The following EDARADD variants were observed in gnomAD, a reference collection of about 807,000 sequenced individuals.
EDARADD encodes the protein ectodysplasin-A receptor-associated adapter protein.
EDARADD carries 20 observed loss-of-function variants against 25.6 expected under a neutral mutation model. That is an observed-to-expected ratio of 0.78 (90% CI 0.55 to 1.14). The LOEUF is 1.14. EDARADD is among the 50% of genes most tolerant of loss of function. The pLI is 0.00. For missense variants in EDARADD, 225 were observed against 270.1 expected (o/e 0.83, Z 1.17); for synonymous variants, 86 against 94.4 (o/e 0.91, Z 0.52).
intron 4 of EDARADD, among the ~76,000 whole-genome samples, chr1:236,444,121 C>T (rs112688045): frequency 8.0e-4 from 121 of 152,124 alleles, no homozygotes; most frequent in African/African-American, 2.8e-3. Flanking sequence ...ATTTTTAAGA[C>T]GTACTTTTTT....
At chr1:236,408,349 T>G (rs1399813258) in intron 1 of EDARADD, among the ~76,000 whole-genome samples, 1 of 151,876 alleles carries the variant, frequency 6.6e-6, no homozygotes, top group East Asian at 1.9e-4. Flanking sequence ...ACTACAGGTG[T>G]GCACCACTAT....
chr1:236,445,314 G>A (rs1160851114), intron 4 of EDARADD, among the ~76,000 whole-genome samples: 2 of 139,350 alleles, frequency 1.4e-5, no homozygotes, highest in South Asian at 2.4e-4. Flanking sequence ...TGCAACCTCC[G>A]CCTCCCAGGT....
chr1:236,421,489 C>CTTTTTT (rs34922732), intron 3 of EDARADD, among the ~76,000 whole-genome samples: 10 of 75,446 alleles, frequency 1.3e-4, no homozygotes, highest in African/African-American at 4.2e-4. Context: ...CTTCCCAGTT[C>CTTTTTT]TTTTTTTTTT....
intron 1 of EDARADD, among the ~76,000 whole-genome samples, chr1:236,401,983 C>T (rs1263369706): frequency 6.6e-6 from 1 of 152,100 alleles, no homozygotes; most frequent in South Asian, 2.1e-4. Flanking sequence ...TATTTTGAGA[C>T]CAAGTTTCGC....
intron 5 of EDARADD, among the ~76,000 whole-genome samples, chr1:236,479,795 C>T (rs1027711287): frequency 1.4e-4 from 21 of 151,298 alleles, no homozygotes; most frequent in Non-Finnish European, 3.1e-4. Flanking sequence ...CCCACAATCT[C>T]GGTGCTTTGG....
In EDARADD at chr1:236,395,541, A is replaced by C; in HGVS notation, c.61+1036A>C. On this transcript the variant is annotated intron_variant, in intron 1 of 5. Transcript: ENST00000334232. The surrounding 1 kb of genome is among the most constrained non-coding windows in gnomAD (Gnocchi z 6.9). ...GCTCCAGGCGCGTCGGAACCGCAGG[A>C]CTTTTCATCCCCGTGGTCCCACGGT... 6.5e-7 allele frequency: 1 copy of C among 1,537,946 alleles called. No homozygotes were observed. The highest frequency in any genetic ancestry group is 8.7e-7 in the Non-Finnish European group (1 of 1,145,804).
chr1:236,469,793 A>G (rs773748116), intron 5 of EDARADD, among the ~76,000 whole-genome samples: 3 of 151,774 alleles, frequency 2.0e-5, no homozygotes, highest in Non-Finnish European at 2.9e-5. Flanking sequence ...TTTTCATTCC[A>G]TAGATTTTTT....
chr1:236,467,073 AC>A (rs1659215638), intron 4 of EDARADD, among the ~76,000 whole-genome samples: 2 of 134,492 alleles, frequency 1.5e-5, no homozygotes, highest in Non-Finnish European at 3.0e-5. Flanking sequence ...CTCAAAAAAA[AC>A]AAAAAAACAA....
At chr1:236,457,589 G>C (rs966207591) in intron 4 of EDARADD, among the ~76,000 whole-genome samples, 3 of 152,170 alleles carry the variant, frequency 2.0e-5, no homozygotes, top group South Asian at 2.1e-4. Flanking sequence ...GGGAGGCTGA[G>C]GGGGGCGGAC....
intron 3 of EDARADD, among the ~76,000 whole-genome samples, chr1:236,368,278 G>T (rs2102992913): frequency 6.6e-6 from 1 of 152,252 alleles, no homozygotes; most frequent in South Asian, 2.1e-4. Flanking sequence ...AAGGTCTTCA[G>T]TCGGGCTTTT....
chr1:236,409,081 A>AT, intron 1 of EDARADD, 135 bp from the exon 2 acceptor site: 1 of 500,338 alleles, frequency 2.0e-6, no homozygotes. Flanking sequence ...AAAAAAAAAA[A>AT]AAAAAAGGAG....
intron 4 of EDARADD, among the ~76,000 whole-genome samples, chr1:236,460,879 C>G (rs1385247349): frequency 1.3e-5 from 2 of 151,996 alleles, no homozygotes; most frequent in East Asian, 3.9e-4. Context: ...CTGGAGTCCA[C>G]TGGCGCGATC....
chr1:236,464,300 A>T (rs1436263691), intron 4 of EDARADD, among the ~76,000 whole-genome samples: 3 of 145,950 alleles, frequency 2.1e-5, no homozygotes, highest in African/African-American at 7.7e-5. Context: ...CCCGGGCTGG[A>T]GTGCAGTGGT....
At chr1:236,367,179 A>G (rs1667120751) in intron 3 of EDARADD, among the ~76,000 whole-genome samples, 1 of 150,402 alleles carries the variant, frequency 6.6e-6, no homozygotes, top group Non-Finnish European at 1.5e-5. Context: ...CAATACCTCC[A>G]GTTCCTGTTA....
chr1:236,385,408 C>CAAAAAAA, intron 3 of EDARADD, among the ~76,000 whole-genome samples: 1 of 35,368 alleles, frequency 2.8e-5, no homozygotes, highest in Non-Finnish European at 6.1e-5. Context: ...GACTCCATCT[C>CAAAAAAA]AAAAAAAAAA....
chr1:236,460,400 G>A (rs1023146800), intron 4 of EDARADD, among the ~76,000 whole-genome samples: 2 of 151,662 alleles, frequency 1.3e-5, no homozygotes, highest in African/African-American at 2.4e-5. Context: ...TGCCCCGGCT[G>A]GTTTTGAACT....
rs575752464 is a variant in EDARADD, at chr1:236,379,054, T to C, written c.-6+28215T>C. Among the ~76,000 whole-genome samples, 3 of 152,068 alleles carry C rather than the reference T, an allele frequency of 2.0e-5. No individual in the cohort carries two copies. In the South Asian group the frequency reaches 6.2e-4, roughly 32 times the overall value. On this transcript the variant is annotated intron_variant, in intron 3 of 7. Coordinates refer to the EDARADD transcript ENST00000439430. ...AAAAAAATCTGAGGAAAACTCAGCA[T>C]TATTGGAAGTTGCCCGTTTAAACAA...
At chr1:236,359,780 C>T (rs1351762358) in intron 3 of EDARADD, among the ~76,000 whole-genome samples, 1 of 152,164 alleles carries the variant, frequency 6.6e-6, no homozygotes, top group Non-Finnish European at 1.5e-5. Context: ...AAAGACTTGC[C>T]ACCATGATTC....
At chr1:236,480,449 A>C (rs1659640925) in intron 5 of EDARADD, among the ~76,000 whole-genome samples, 1 of 152,118 alleles carries the variant, frequency 6.6e-6, no homozygotes, top group Non-Finnish European at 1.5e-5. Context: ...TAGGTCAAAG[A>C]GTATGAGCCT....
Sources: gnomAD v4.1 joint callset for allele counts (sites outside exome capture counted in the v4.1 genomes callset) on GRCh38, gnomAD v4.1.1 for gene constraint, Gnocchi (gnomAD v3.1) non-coding constraint, MANE v1.5 for transcripts, NCBI Gene and HGNC (gene_info 2026-07-23, HGNC 2026-07-21) for gene names.